TIAM1: variants seen among roughly 807,000 people sequenced by gnomAD.
TIAM1 encodes the protein rho guanine nucleotide exchange factor TIAM1.
Under a neutral mutation model 163.5 loss-of-function variants are expected in TIAM1, and 65 were observed. The observed-to-expected ratio is 0.40, with a 90% CI of 0.33 to 0.49. TIAM1 has a LOEUF of 0.49. TIAM1 is among the 20% of genes least tolerant of loss of function. The pLI is 0.77. For missense variants in TIAM1, 1,789 were observed against 2,044.7 expected (o/e 0.87, Z 2.41); for synonymous variants, 833 against 810.1 (o/e 1.03, Z -0.48).
chr21:31,425,659 TTCTCTCTCTCTTTCTTTC>T (rs1256115238), intron 2 of TIAM1, among the ~76,000 whole-genome samples: 81 of 136,662 alleles, frequency 5.9e-4, no homozygotes, highest in South Asian at 3.0e-3. Flanking sequence ...CTTTCTTTCT[TTCTCTCTCTCTTTCTTTC>T]TCTCTCTCTC....
At chr21:31,480,932 T>G (rs1379784210) in intron 1 of TIAM1, among the ~76,000 whole-genome samples, 1 of 152,132 alleles carries the variant, frequency 6.6e-6, no homozygotes, top group Non-Finnish European at 1.5e-5. Flanking sequence ...TTTTTTGTAT[T>G]TTTAGTAGAG....
chr21:31,384,028 A>C (rs1485519911), intron 2 of TIAM1, among the ~76,000 whole-genome samples: 2 of 152,152 alleles, frequency 1.3e-5, no homozygotes, highest in African/African-American at 4.8e-5. Flanking sequence ...GAGCAATGCA[A>C]ATTGCTAAAA....
intron 2 of TIAM1, among the ~76,000 whole-genome samples, chr21:31,354,044 G>T (rs184673153): frequency 1.3e-4 from 19 of 151,660 alleles, no homozygotes; most frequent in Admixed American, 6.6e-5. Flanking sequence ...CACCATGTTG[G>T]CCAGGCTGGT....
intron 2 of TIAM1, among the ~76,000 whole-genome samples, chr21:31,399,883 T>C (rs111360138): frequency 3.3e-5 from 5 of 152,268 alleles, no homozygotes; most frequent in African/African-American, 9.6e-5. Flanking sequence ...GCTAACTTCA[T>C]GGTTGCCTTG....
chr21:31,537,902 CA>C (rs2048191091), intron 1 of TIAM1, among the ~76,000 whole-genome samples: 1 of 152,072 alleles, frequency 6.6e-6, no homozygotes, highest in Non-Finnish European at 1.5e-5. Flanking sequence ...ATTATTTATC[CA>C]AACAAAGAAA....
At chr21:31,384,687 A>G (rs912846523) in intron 2 of TIAM1, among the ~76,000 whole-genome samples, 2 of 152,198 alleles carry the variant, frequency 1.3e-5, no homozygotes, top group Admixed American at 6.5e-5. Context: ...ACCAGAATCT[A>G]CAAAATATCT....
chr21:31,514,693 CA>C (rs989834635), intron 1 of TIAM1, among the ~76,000 whole-genome samples: 6 of 149,184 alleles, frequency 4.0e-5, no homozygotes, highest in African/African-American at 7.4e-5. Context: ...ACGCTTATCT[CA>C]AAAAAAAAAT....
chr21:31,221,897 TCTGGAGTCAAAAA>T (rs2087581886), intron 8 of TIAM1, among the ~76,000 whole-genome samples: 1 of 152,198 alleles, frequency 6.6e-6, no homozygotes, highest in African/African-American at 2.4e-5. Context: ...AAGAAATAGA[TCTGGAGTCAAAAA>T]CTGAAAACGT....
chr21:31,330,287 A>G (rs1400994320), intron 2 of TIAM1, among the ~76,000 whole-genome samples: 1 of 152,178 alleles, frequency 6.6e-6, no homozygotes, highest in Non-Finnish European at 1.5e-5. Flanking sequence ...AGTGCTGAAT[A>G]ATATTCCATT....
chr21:31,130,441 C>T (rs1481804635), intron 24 of TIAM1, 126 bp from the exon 25 acceptor site: 3 of 695,710 alleles, frequency 4.3e-6, no homozygotes, highest in Middle Eastern at 3.2e-4. Flanking sequence ...GGATCTTCAC[C>T]CCCATGAGCT....
intron 1 of TIAM1, among the ~76,000 whole-genome samples, chr21:31,464,460 C>A (rs1291923421): frequency 6.6e-6 from 1 of 152,178 alleles, no homozygotes; most frequent in African/African-American, 2.4e-5. Flanking sequence ...CTAATCCCAG[C>A]ATCTTGAGAG....
chr21:31,299,860 C>T (rs13433418), intron 2 of TIAM1, among the ~76,000 whole-genome samples: 9,929 of 152,180 alleles, frequency 0.065, 1,068 homozygotes, highest in African/African-American at 0.22. Flanking sequence ...AATCACAGTC[C>T]GCTGCCTGAG....
At chr21:31,412,369 C>T (rs1425195776) in intron 2 of TIAM1, among the ~76,000 whole-genome samples, 1 of 152,046 alleles carries the variant, frequency 6.6e-6, no homozygotes, top group African/African-American at 2.4e-5. Flanking sequence ...CAGCAGTCCC[C>T]AGCCTTTTTG....
chr21:31,308,129 T>C lies in TIAM1; in HGVS notation c.-189+31114A>G, dbSNP rs527887343. Reference sequence around the variant, plus strand: ...AGTTGGGCGTGGTGGTGTGCACCTGTAGACCCAGCTATTCGGGAGGCTAAA... The same window carrying C: ...AGTTGGGCGTGGTGGTGTGCACCTGCAGACCCAGCTATTCGGGAGGCTAAA... On this transcript the variant is annotated intron_variant, in intron 2 of 27. Coordinates refer to ENST00000541036, the MANE Select transcript of TIAM1 (RefSeq NM_001353694.2). Among the ~76,000 whole-genome samples, 387 of 152,242 alleles carry C rather than the reference T, an allele frequency of 2.5e-3. 2 individuals are homozygous for C. The highest frequency in any genetic ancestry group is 4.2e-3 in the Non-Finnish European group (288 of 68,012).
At chr21:31,484,940 C>A (rs1057271840) in intron 1 of TIAM1, among the ~76,000 whole-genome samples, 3 of 152,174 alleles carry the variant, frequency 2.0e-5, no homozygotes, top group Non-Finnish European at 4.4e-5. Context: ...ACAAGCCAGT[C>A]CCTTCCACCA....
chr21:31,276,178 A>T (rs1601796339), intron 3 of TIAM1, among the ~76,000 whole-genome samples: 1 of 152,132 alleles, frequency 6.6e-6, no homozygotes, highest in African/African-American at 2.4e-5. Context: ...GCTAAGATTA[A>T]ATTGAGACGA....
intron 1 of TIAM1, among the ~76,000 whole-genome samples, chr21:31,469,305 T>G (rs2045652858): frequency 1.4e-5 from 2 of 143,002 alleles, no homozygotes; most frequent in Admixed American, 1.4e-4. Flanking sequence ...CTCATTATGT[T>G]GCCCAGGCTG....
intron 17 of TIAM1, 49 bp from the exon 18 acceptor site, chr21:31,153,183 A>G: frequency 6.9e-7 from 1 of 1,454,448 alleles, no homozygotes; most frequent in Non-Finnish European, 9.5e-7. Flanking sequence ...TATTTTTTAT[A>G]TACCCTAGAA....
intron 6 of TIAM1, among the ~76,000 whole-genome samples, chr21:31,243,934 T>A (rs948201648): frequency 6.6e-6 from 1 of 152,236 alleles, no homozygotes; most frequent in Non-Finnish European, 1.5e-5. Context: ...AAAAGTGTCC[T>A]GGCTTGGATG....
Sources: allele counts gnomAD v4.1 joint callset (sites outside exome capture counted in the v4.1 genomes callset), GRCh38; gene constraint gnomAD v4.1.1; transcripts MANE v1.5; gene names NCBI Gene and HGNC (gene_info 2026-07-23, HGNC 2026-07-21).